The following CCDC88C variants were observed in gnomAD, a reference collection of about 807,000 sequenced individuals.
CCDC88C encodes the protein coiled-coil and HOOK domain protein 88C, also known as protein Daple.
CCDC88C carries 131 observed loss-of-function variants against 198.8 expected under a neutral mutation model. The observed-to-expected ratio is 0.66, with a 90% CI of 0.57 to 0.76. CCDC88C has a LOEUF of 0.76. CCDC88C is among the 30% of genes least tolerant of loss of function. CCDC88C has a pLI of 0.00. For synonymous variants in CCDC88C, 1,166 were observed against 1,114.7 expected (o/e 1.05, Z -0.92); for missense variants, 2,553 against 2,631.6 (o/e 0.97, Z 0.65).
intron 21 of CCDC88C, 72 bp downstream of exon 21, chr14:91,299,855 G>A (rs1279272177): frequency 2.1e-6 from 3 of 1,455,888 alleles, no homozygotes; most frequent in Admixed American, 4.9e-5. Context: ...ACTTCTCAGT[G>A]GTTGCTATGC....
chr14:91,278,321 C>A, intron 28 of CCDC88C, 110 bp from the exon 29 acceptor site: 1 of 1,088,236 alleles, frequency 9.2e-7, no homozygotes, highest in Non-Finnish European at 1.2e-6. Flanking sequence ...AGAATAAAAT[C>A]CCTTGCCCGA....
chr14:91,412,610 T>G (rs1393959724), intron 2 of CCDC88C, among the ~76,000 whole-genome samples: 1 of 152,082 alleles, frequency 6.6e-6, no homozygotes, highest in Non-Finnish European at 1.5e-5. Context: ...AATTTTTTTG[T>G]ATTTTTAGTA....
In CCDC88C at chr14:91,345,184, A is replaced by AT. The variant is rs1458769741; in HGVS notation, c.341-1528dup. On this transcript the variant is annotated intron_variant, in intron 4 of 29. Transcript: ENST00000389857. ...GTTCAATTTATATATATATATATATATATATATTTTTTTTTTTTTTTTTTT... is the reference window on the plus strand; with the variant it reads ...GTTCAATTTATATATATATATATATATTATATATTTTTTTTTTTTTTTTTTT... 2.6e-3 allele frequency among the ~76,000 whole-genome samples: 176 copies of AT among 67,506 alleles called. 2 individuals carry two copies. Among genetic ancestry groups the AT allele is most frequent in the African/African-American group, 9.0e-3 (163 of 18,054 alleles). The allele number at this position is 67,506 out of a possible 152,430, so 44.3% of individuals were successfully genotyped here.
chr14:91,338,120 C>A lies in CCDC88C; in HGVS notation c.935G>T (p.Arg312Leu). 6.2e-7 allele frequency: 1 copy of A among 1,613,914 alleles called. No homozygotes were observed. Among genetic ancestry groups the A allele is most frequent in the Non-Finnish European group, 8.5e-7 (1 of 1,179,888 alleles). ...AADARSARAY[R>L]DELDSLREKA... The stretch of plus-strand genomic sequence containing the variant: ...CTCCCGCAGGGAATCCAGCTCGTCT[C>A]GATAGGCACGAGCAGACCGGGCGTC... The change falls in exon 10 of 30, where the codon CGA becomes CTA. Residue 312 changes from arginine (R) to leucine (L), a missense_variant. Physicochemically the swap from Arg to Leu is moderately radical, Grantham distance 102 (BLOSUM62 -2). Coordinates refer to ENST00000389857, the MANE Select transcript of CCDC88C (RefSeq NM_001080414.4). This position sits in a 1 kb window ranked among gnomAD's most constrained non-coding sequence, Gnocchi z 4.8.
At chr14:91,278,915 T>TTTC (rs1555414166) in intron 28 of CCDC88C, among the ~76,000 whole-genome samples, 1 of 144,686 alleles carries the variant, frequency 6.9e-6, no homozygotes, top group Non-Finnish European at 1.5e-5. Flanking sequence ...TTTTTTTTTT[T>TTTC]TCTGAGATAG....
intron 20 of CCDC88C, 131 bp downstream of exon 20, chr14:91,303,570 C>A: frequency 1.0e-6 from 1 of 955,686 alleles, no homozygotes; most frequent in Non-Finnish European, 1.5e-6. Context: ...CCAGGCTCCA[C>A]CCATCTTCCC....
chr14:91,320,799 G>A (rs1040969260), intron 13 of CCDC88C, among the ~76,000 whole-genome samples: 11 of 152,148 alleles, frequency 7.2e-5, no homozygotes, highest in African/African-American at 2.4e-4. Context: ...AGAGAACGAG[G>A]GAGTTTTCTT....
chr14:91,384,367 C>A, intron 3 of CCDC88C: 2 of 425,624 alleles, frequency 4.7e-6, no homozygotes, highest in South Asian at 1.7e-5. Context: ...ATAGGCTTGT[C>A]AAATGATGTA....
At chr14:91,347,661 G>A (rs576083840) in intron 4 of CCDC88C, among the ~76,000 whole-genome samples, 3 of 152,188 alleles carry the variant, frequency 2.0e-5, no homozygotes, top group Non-Finnish European at 2.9e-5. Context: ...TTAGAATGGC[G>A]ATCATTAAAA....
chr14:91,296,606 C>G (rs1487014483), intron 22 of CCDC88C, among the ~76,000 whole-genome samples: 1 of 152,242 alleles, frequency 6.6e-6, no homozygotes, highest in African/African-American at 2.4e-5. Context: ...GACAAGGCAT[C>G]TTGGCACCCT....
intron 3 of CCDC88C, among the ~76,000 whole-genome samples, chr14:91,396,323 C>T (rs1449560604): frequency 1.3e-5 from 2 of 152,144 alleles, no homozygotes. Context: ...AAGGAGAAAC[C>T]TCTGTTTTTT....
intron 4 of CCDC88C, among the ~76,000 whole-genome samples, chr14:91,349,077 A>C (rs1300684705): frequency 6.6e-6 from 1 of 152,254 alleles, no homozygotes; most frequent in Non-Finnish European, 1.5e-5. Flanking sequence ...GTTTCAAAAC[A>C]CAGCAGAAGA....
At chr14:91,405,670 C>T (rs1189398735) in intron 3 of CCDC88C, among the ~76,000 whole-genome samples, 1 of 152,206 alleles carries the variant, frequency 6.6e-6, no homozygotes, top group Non-Finnish European at 1.5e-5. Context: ...TCTCTGGGTG[C>T]TGGGCTGATG....
At position 91,305,935 on chromosome 14, in the gene CCDC88C, T is replaced by A; in HGVS notation, c.3196-9A>T. ...GCCTGCAGAGCTGCATTCTAGAAGA[T>A]CGGGAGGCATGAGCGAATCAAACTC... On this transcript the variant is annotated splice_polypyrimidine_tract_variant and intron_variant, in intron 18 of 29. Coordinates refer to ENST00000389857, the MANE Select transcript of CCDC88C (RefSeq NM_001080414.4). The A allele has an allele frequency of 6.2e-7, 1 of 1,611,276 alleles. No individual in the cohort carries two copies.
rs1285771 is a variant in CCDC88C, at chr14:91,332,731, A to C, written c.1050+5274T>G. 8.9e-3 allele frequency among the ~76,000 whole-genome samples: 1,351 copies of C among 152,278 alleles called. 23 individuals are homozygous for C. Among genetic ancestry groups the C allele is most frequent in the East Asian group, 0.021 (111 of 5,180 alleles). On this transcript the variant is annotated intron_variant, in intron 10 of 29. Transcript: ENST00000389857. The stretch of plus-strand genomic sequence containing the variant: ...CATCTCACCTAACAGCCCTGTCTCC[A>C]ATCCCAAGGAGTCGAAAAACTCATG...
intron 3 of CCDC88C, among the ~76,000 whole-genome samples, chr14:91,361,338 A>G (rs1474850594): frequency 6.6e-6 from 1 of 152,178 alleles, no homozygotes; most frequent in African/African-American, 2.4e-5. Flanking sequence ...GCTGCTAACT[A>G]GCACTCGAGA....
In CCDC88C at chr14:91,356,853, T is replaced by C. The variant is rs139201148; in HGVS notation, c.340+2789A>G. 8.6e-3 allele frequency among the ~76,000 whole-genome samples: 1,307 copies of C among 151,380 alleles called. 13 individuals are homozygous for C. Among genetic ancestry groups the C allele is most frequent in the Non-Finnish European group, 0.012 (802 of 67,806 alleles). On this transcript the variant is annotated intron_variant, in intron 4 of 29. Coordinates refer to ENST00000389857, the MANE Select transcript of CCDC88C (RefSeq NM_001080414.4). ...GAGAGGGCAGGCTTCCAGATGGTAG[T>C]GGAAGGGGAGACACCTGCAGGGATG...
intron 3 of CCDC88C, among the ~76,000 whole-genome samples, chr14:91,367,876 C>T (rs557239301): frequency 8.5e-5 from 13 of 152,178 alleles, no homozygotes; most frequent in Non-Finnish European, 1.6e-4. Context: ...CAGATTACCA[C>T]CTGCCAGACC....
chr14:91,355,383 G>C (rs1280316715), intron 4 of CCDC88C, among the ~76,000 whole-genome samples: 2 of 152,198 alleles, frequency 1.3e-5, no homozygotes, highest in Non-Finnish European at 2.9e-5. Context: ...GCTCTTATAA[G>C]AGCCGTCATA....
Sources: allele counts gnomAD v4.1 joint callset (sites outside exome capture counted in the v4.1 genomes callset), GRCh38; gene constraint gnomAD v4.1.1; non-coding constraint Gnocchi (gnomAD v3.1); transcripts MANE v1.5; gene names NCBI Gene and HGNC (gene_info 2026-07-23, HGNC 2026-07-21).